The following TCF20 variants were observed in gnomAD, a reference collection of about 807,000 sequenced individuals.
The protein encoded by TCF20 is SPRE-binding protein.
In TCF20, 3 loss-of-function variants were observed where a neutral mutation model predicts 148.6. The ratio of observed to expected loss-of-function variants is 0.02; its 90% CI spans 0.01 to 0.05. The LOEUF (loss-of-function observed/expected upper bound fraction) is 0.05. Among genes scored for constraint, TCF20 ranks in the 10% least tolerant of loss-of-function variants. TCF20 has a pLI of 1.00. For missense variants in TCF20, 2,350 were observed against 2,429.3 expected (o/e 0.97, Z 0.69); for synonymous variants, 1,049 against 909.5 (o/e 1.15, Z -2.76).
rs1920931803 is a variant in TCF20 at position 42,210,237 on chromosome 22, T to G, written c.5069A>C (p.Gln1690Pro). 6.2e-7 allele frequency: 1 copy of G among 1,614,078 alleles called. No homozygotes were observed. Among genetic ancestry groups the G allele is most frequent in the Non-Finnish European group, 8.5e-7 (1 of 1,180,038 alleles). The change falls in exon 2 of 6, where the codon CAG becomes CCG. Residue 1690 changes from glutamine to proline, a missense_variant. Physicochemically the swap from Gln to Pro is moderately conservative, Grantham distance 76. Coordinates refer to ENST00000677622, the MANE Select transcript of TCF20 (RefSeq NM_001378418.1). The surrounding 1 kb of genome is among the most constrained non-coding windows in gnomAD (Gnocchi z 4.7). ...CGAAGACTCTGTCACAACAGGTCCC[T>G]GCAGCATAAAGGACGAGGCCGGGAG... ...KALPASSFML[Q>P]GPVVTESSVM...
intron 1 of TCF20, among the ~76,000 whole-genome samples, chr22:42,293,616 C>A (rs1357396187): frequency 6.6e-6 from 1 of 152,188 alleles, no homozygotes; most frequent in Non-Finnish European, 1.5e-5. Flanking sequence ...AGGGAGGAGG[C>A]CTGGGGCACC....
intron 1 of TCF20, among the ~76,000 whole-genome samples, chr22:42,336,429 TC>T (rs1928069628): frequency 6.6e-6 from 1 of 151,746 alleles, no homozygotes; most frequent in Non-Finnish European, 1.5e-5. Context: ...GCTTCAGGCA[TC>T]CCTTCTCCTG....
At chr22:42,170,512 A>C (rs962308481) in intron 3 of TCF20, among the ~76,000 whole-genome samples, 2 of 150,850 alleles carry the variant, frequency 1.3e-5, no homozygotes, top group Non-Finnish European at 3.0e-5. Context: ...AAAAAAAAAA[A>C]AACTACTTGG....
chr22:42,239,897 C>T (rs923500824), intron 1 of TCF20, among the ~76,000 whole-genome samples: 1 of 152,190 alleles, frequency 6.6e-6, no homozygotes, highest in Non-Finnish European at 1.5e-5. Flanking sequence ...AAAATTGGCA[C>T]CAACAGACTT....
chr22:42,272,579 G>A (rs1044867478), upstream of TCF20, among the ~76,000 whole-genome samples: 6 of 152,156 alleles, frequency 3.9e-5, no homozygotes, highest in East Asian at 1.9e-4. Context: ...GAGTCCAGGC[G>A]CCTGTCAGCT....
chr22:42,199,941 G>T (rs753316796), intron 2 of TCF20, among the ~76,000 whole-genome samples: 2 of 128,312 alleles, frequency 1.6e-5, no homozygotes, highest in Non-Finnish European at 3.3e-5. Context: ...AATTTTTTTG[G>T]TATCTTTTTG....
At chr22:42,324,917 G>T (rs74736089) in intron 1 of TCF20, among the ~76,000 whole-genome samples, 7,418 of 152,294 alleles carry the variant, frequency 0.049, 604 homozygotes, top group African/African-American at 0.17. Flanking sequence ...CCTCAGGTCT[G>T]GGGATGAAGA....
intron 1 of TCF20, among the ~76,000 whole-genome samples, chr22:42,329,004 T>G (rs1334073483): frequency 6.6e-6 from 1 of 152,236 alleles, no homozygotes; most frequent in Non-Finnish European, 1.5e-5. Flanking sequence ...TCTGTCCACA[T>G]GGGTCTCCCA....
At chr22:42,303,837 CAGGG>C (rs992289982) in intron 1 of TCF20, among the ~76,000 whole-genome samples, 9 of 134,014 alleles carry the variant, frequency 6.7e-5, no homozygotes, top group East Asian at 6.3e-4. Context: ...GAGCTAGGGA[CAGGG>C]AGGGAGGGAG....
At chr22:42,337,380 C>G (rs569214424) in intron 1 of TCF20, among the ~76,000 whole-genome samples, 1 of 152,272 alleles carries the variant, frequency 6.6e-6, no homozygotes, top group Non-Finnish European at 1.5e-5. Flanking sequence ...GCATTCACAG[C>G]CTGGCATCAG....
At chr22:42,174,659 G>A (rs1400955886) in intron 3 of TCF20, among the ~76,000 whole-genome samples, 1 of 152,088 alleles carries the variant, frequency 6.6e-6, no homozygotes, top group Non-Finnish European at 1.5e-5. Flanking sequence ...TGGGAGGATC[G>A]CTTGAGCCTA....
chr22:42,244,568 T>C (rs1211465905), intron 1 of TCF20, among the ~76,000 whole-genome samples: 2 of 152,148 alleles, frequency 1.3e-5, no homozygotes, highest in African/African-American at 4.8e-5. Flanking sequence ...TTCCATCTAA[T>C]GAAATATCCA....
chr22:42,273,237 G>A (rs942974124), upstream of TCF20, among the ~76,000 whole-genome samples: 12 of 151,958 alleles, frequency 7.9e-5, no homozygotes, highest in East Asian at 2.3e-3. Context: ...GCGGGCGCCT[G>A]TAATCCCAGC....
intron 1 of TCF20, among the ~76,000 whole-genome samples, chr22:42,280,801 G>A (rs1926885930): frequency 6.6e-6 from 1 of 152,194 alleles, no homozygotes; most frequent in African/African-American, 2.4e-5. Context: ...TGCCCCCTGG[G>A]AGCCAGGCTC....
chr22:42,170,630 A>G (rs1467702126), intron 3 of TCF20, among the ~76,000 whole-genome samples: 3 of 53,552 alleles, frequency 5.6e-5, no homozygotes, highest in African/African-American at 1.5e-4. Flanking sequence ...CCGTCTCAAA[A>G]AAAAAAAAAA....
At chr22:42,239,124 G>GA (rs892268967) in intron 1 of TCF20, among the ~76,000 whole-genome samples, 33 of 140,990 alleles carry the variant, frequency 2.3e-4, no homozygotes, top group African/African-American at 4.7e-4. Flanking sequence ...TCTCAAAAAA[G>GA]AAAAAAAAAA....
At chr22:42,322,657 A>G (rs1428642192) in intron 1 of TCF20, among the ~76,000 whole-genome samples, 1 of 151,884 alleles carries the variant, frequency 6.6e-6, no homozygotes, top group African/African-American at 2.4e-5. Flanking sequence ...TGAGTGAGTG[A>G]GCAAGCGCCT....
chr22:42,264,896 G>T (rs931252796), intron 1 of TCF20, among the ~76,000 whole-genome samples: 6 of 152,192 alleles, frequency 3.9e-5, no homozygotes, highest in Non-Finnish European at 5.9e-5. Flanking sequence ...TCAGGGACAT[G>T]ACATTCAAAA....
chr22:42,199,167 C>T (rs116425846), intron 2 of TCF20, among the ~76,000 whole-genome samples: 135 of 152,258 alleles, frequency 8.9e-4, no homozygotes, highest in African/African-American at 3.2e-3. Context: ...AAGAATAATA[C>T]TGTTATCTTT....
Sources: gnomAD v4.1 joint callset for allele counts (sites outside exome capture counted in the v4.1 genomes callset) on GRCh38, gnomAD v4.1.1 for gene constraint, Gnocchi (gnomAD v3.1) non-coding constraint, MANE v1.5 for transcripts, NCBI Gene and HGNC (gene_info 2026-07-23, HGNC 2026-07-21) for gene names.